The following KCNK9 variants were observed in gnomAD, a reference collection of about 807,000 sequenced individuals.
The protein encoded by KCNK9 is potassium two pore domain channel subfamily K member 9, also known as potassium channel subfamily K member 9.
A neutral mutation model predicts 10.8 loss-of-function variants in KCNK9; 1 was observed. The observed-to-expected ratio is 0.09, with a 90% CI of 0.03 to 0.44. KCNK9 has a LOEUF of 0.44. Ranked by LOEUF, KCNK9 falls within the 20% of genes least tolerant of loss-of-function variation. The pLI, the probability that KCNK9 is intolerant of heterozygous loss-of-function variation, is 0.97. For missense variants in KCNK9, 303 were observed against 515.0 expected (o/e 0.59, Z 3.98); for synonymous variants, 231 against 222.7 (o/e 1.04, Z -0.33).
At chr8:139,603,318 A>G (rs961413414) in intron 2 of KCNK9, among the ~76,000 whole-genome samples, 2 of 152,028 alleles carry the variant, frequency 1.3e-5, no homozygotes, top group African/African-American at 4.8e-5. Flanking sequence ...TGTGGCGGAG[A>G]GAGGGGAAGG....
At position 139,618,726 on chromosome 8, in the gene KCNK9, G is replaced by A. The variant is rs776170367; in HGVS notation, c.657C>T (p.Leu219=). 3 of 1,614,196 alleles carry A rather than the reference G, an allele frequency of 1.9e-6. No individual in the cohort carries two copies. In the South Asian group the frequency reaches 3.3e-5, roughly 18 times the overall value. Residue 219 remains leucine, a synonymous_variant, in exon 2 of 2, where the codon CTC becomes CTT. Coordinates refer to ENST00000520439, the MANE Select transcript of KCNK9 (RefSeq NM_001282534.2). This position sits in a 1 kb window ranked among gnomAD's most constrained non-coding sequence, Gnocchi z 7.9. ...TATACATAAAGCTAAAGGCCACGTA[G>A]AGCGGCTTCTTCTGCAGGGCACCCT... is the stretch of plus-strand genomic sequence containing the variant. The part of the protein sequence containing the change: ...QTKGALQKKP[L]YVAFSFMYIL...
At chr8:139,632,322 T>C (rs527732637) in intron 1 of KCNK9, among the ~76,000 whole-genome samples, 8 of 152,208 alleles carry the variant, frequency 5.3e-5, no homozygotes, top group Non-Finnish European at 1.2e-4. Context: ...TTTTCACTGT[T>C]AACACTGAAC....
chr8:139,648,247 C>T (rs1386988039), intron 1 of KCNK9, among the ~76,000 whole-genome samples: 1 of 152,026 alleles, frequency 6.6e-6, no homozygotes, highest in Admixed American at 6.6e-5. Flanking sequence ...GGATCACTGG[C>T]CGCTAGGGGA....
At chr8:139,697,913 A>C (rs1288779553) in intron 1 of KCNK9, among the ~76,000 whole-genome samples, 2 of 152,132 alleles carry the variant, frequency 1.3e-5, no homozygotes, top group Non-Finnish European at 2.9e-5. Flanking sequence ...AGCTGCCCAC[A>C]GGCATCTCCT....
intron 1 of KCNK9, among the ~76,000 whole-genome samples, chr8:139,650,463 G>A (rs1815828972): frequency 6.6e-6 from 1 of 151,758 alleles, no homozygotes; most frequent in Non-Finnish European, 1.5e-5. Context: ...GGGGGCAGGA[G>A]CTGAGCAGAA....
At chr8:139,675,656 A>G (rs1358584478) in intron 1 of KCNK9, among the ~76,000 whole-genome samples, 1 of 152,112 alleles carries the variant, frequency 6.6e-6, no homozygotes, top group Admixed American at 6.5e-5. Flanking sequence ...AGCCTGTGAC[A>G]TCTTGTTATA....
intron 1 of KCNK9, among the ~76,000 whole-genome samples, chr8:139,682,216 T>G (rs1816704593): frequency 6.6e-6 from 1 of 152,184 alleles, no homozygotes; most frequent in Non-Finnish European, 1.5e-5. Context: ...TCTAGAACAG[T>G]TAAATATAGC....
chr8:139,658,813 G>T (rs1048552594), intron 1 of KCNK9, among the ~76,000 whole-genome samples: 5 of 152,260 alleles, frequency 3.3e-5, no homozygotes, highest in Admixed American at 3.3e-4. Context: ...CTCCTTCTGG[G>T]CTGTTCCCTG....
At chr8:139,641,753 C>G (rs1015811885) in intron 1 of KCNK9, among the ~76,000 whole-genome samples, 1 of 152,206 alleles carries the variant, frequency 6.6e-6, no homozygotes, top group Admixed American at 6.5e-5. Flanking sequence ...CGCTACATGG[C>G]TGCCCTCCTG....
intron 1 of KCNK9, among the ~76,000 whole-genome samples, chr8:139,659,567 A>G (rs905108074): frequency 6.6e-6 from 1 of 152,098 alleles, no homozygotes; most frequent in East Asian, 1.9e-4. Context: ...GCTGGAGTGC[A>G]ATGGCACAAT....
intron 1 of KCNK9, among the ~76,000 whole-genome samples, chr8:139,667,734 CA>C (rs1816334480): frequency 6.6e-6 from 1 of 152,094 alleles, no homozygotes; most frequent in Middle Eastern, 3.4e-3. Flanking sequence ...CTTATAACGG[CA>C]AAAAATGAAA....
intron 1 of KCNK9, among the ~76,000 whole-genome samples, chr8:139,674,938 C>G (rs80095249): frequency 0.018 from 2,679 of 152,244 alleles, 84 homozygotes; most frequent in African/African-American, 0.061. Flanking sequence ...TGGATCCCCT[C>G]TCCCTACCCC....
rs996502561 is a variant in KCNK9, at chr8:139,617,905, C to T, written c.*353G>A. The T allele has an allele frequency of 1.2e-5, 4 of 337,182 alleles. No individual in the cohort carries two copies. Among genetic ancestry groups the T allele is most frequent in the African/African-American group, 8.6e-5 (4 of 46,754 alleles). 20.9% of individuals were successfully genotyped at this position (337,182 alleles called of 1,614,324 possible). A position where few individuals can be genotyped will look rare whatever the true frequency, so the allele number is the denominator to read the frequency against. On this transcript the variant is annotated 3_prime_UTR_variant, in exon 2 of 2. Coordinates refer to ENST00000520439, the MANE Select transcript of KCNK9 (RefSeq NM_001282534.2). Reference sequence around the variant, plus strand: ...CTTTGGGGTGGGTATCCTCTCAGCTCTGTCTCCGTGGTCTTGGTCTCACAT... The same window carrying T: ...CTTTGGGGTGGGTATCCTCTCAGCTTTGTCTCCGTGGTCTTGGTCTCACAT...
chr8:139,684,935 T>C (rs1816758989), intron 1 of KCNK9, among the ~76,000 whole-genome samples: 1 of 152,188 alleles, frequency 6.6e-6, no homozygotes, highest in African/African-American at 2.4e-5. Flanking sequence ...ACATGATCCA[T>C]TTAAGGCATA....
At chr8:139,625,283 C>A (rs868804599) in intron 1 of KCNK9, among the ~76,000 whole-genome samples, 1 of 152,240 alleles carries the variant, frequency 6.6e-6, no homozygotes, top group Non-Finnish European at 1.5e-5. Flanking sequence ...CTCTCCCAGC[C>A]CCGGACCCTG....
chr8:139,662,393 G>A (rs11988082), intron 1 of KCNK9, among the ~76,000 whole-genome samples: 5,158 of 152,276 alleles, frequency 0.034, 170 homozygotes, highest in African/African-American at 0.084. Flanking sequence ...AGTGTGAGGC[G>A]AAGGGGGACT....
At position 139,618,112 on chromosome 8, in the gene KCNK9, A is replaced by G. The variant is rs1586632276; in HGVS notation, c.*146T>C. ...GGCTGGAAAGGTGGGGGAAAATGAG[A>G]CCAAGAGACCAAGAAAGGAGGAAGG... On this transcript the variant is annotated 3_prime_UTR_variant, in exon 2 of 2. Coordinates refer to ENST00000520439, the MANE Select transcript of KCNK9 (RefSeq NM_001282534.2). The surrounding 1 kb of genome is among the most constrained non-coding windows in gnomAD (Gnocchi z 7.9). 1 of 1,167,074 alleles carries G rather than the reference A, an allele frequency of 8.6e-7. No homozygotes were observed. The highest frequency in any genetic ancestry group is 2.6e-5 in the East Asian group (1 of 38,784). The allele number at this position is 1,167,074 out of a possible 1,614,324, so 72.3% of individuals were successfully genotyped here.
chr8:139,627,689 C>T (rs565926887), intron 1 of KCNK9, among the ~76,000 whole-genome samples: 2 of 152,386 alleles, frequency 1.3e-5, no homozygotes, highest in African/African-American at 4.8e-5. Context: ...GTGATTAACA[C>T]CCAACCTGGA....
intron 1 of KCNK9, among the ~76,000 whole-genome samples, chr8:139,667,638 G>A (rs540408006): frequency 6.6e-6 from 1 of 152,294 alleles, no homozygotes; most frequent in Non-Finnish European, 1.5e-5. Flanking sequence ...GGAGGCTGCA[G>A]TGAGCCAAGA....
Sources: allele counts gnomAD v4.1 joint callset (sites outside exome capture counted in the v4.1 genomes callset), GRCh38; gene constraint gnomAD v4.1.1; non-coding constraint Gnocchi (gnomAD v3.1); transcripts MANE v1.5; gene names NCBI Gene and HGNC (gene_info 2026-07-23, HGNC 2026-07-21).